TMPRSS9: variants seen among roughly 807,000 people sequenced by gnomAD.
TMPRSS9 encodes transmembrane protease serine 9.
In TMPRSS9, 113 loss-of-function variants were observed where a neutral mutation model predicts 111.4. That is an observed-to-expected ratio of 1.01 (90% CI 0.87 to 1.19). The LOEUF (loss-of-function observed/expected upper bound fraction) is 1.19, where lower values mean the gene tolerates loss of function less well. Ranked by LOEUF, TMPRSS9 falls within the 50% of genes most tolerant of loss-of-function variation. The pLI is 0.00. For synonymous variants in TMPRSS9, 805 were observed against 659.1 expected, an observed-to-expected ratio of 1.22 and a Z score of -3.39; for missense variants, 1,803 against 1,513.1, an observed-to-expected ratio of 1.19 and a Z score of -3.18.
chr19:2,405,239 A>C, intron 6 of TMPRSS9, 135 bp from the exon 8 acceptor site: 2 of 1,129,896 alleles, frequency 1.8e-6, no homozygotes, highest in Non-Finnish European at 2.4e-6. Context: ...AGAGTCAGGG[A>C]AGCCAAGGAG....
upstream of TMPRSS9, among the ~76,000 whole-genome samples, chr19:2,387,883 G>A (rs1380526295): frequency 1.3e-5 from 2 of 152,280 alleles, no homozygotes; most frequent in Middle Eastern, 3.4e-3. Flanking sequence ...CACCCTTAAC[G>A]GCTGTGACCA....
intron 15 of TMPRSS9, among the ~76,000 whole-genome samples, chr19:2,424,601 C>G (rs1044502813): frequency 1.9e-4 from 29 of 151,930 alleles, no homozygotes; most frequent in Non-Finnish European, 2.9e-4. Flanking sequence ...CCAGCCCTCG[C>G]CCCTGGGACT....
At chr19:2,401,529 A>G (rs2145324145) in intron 4 of TMPRSS9, among the ~76,000 whole-genome samples, 1 of 152,224 alleles carries the variant, frequency 6.6e-6, no homozygotes, top group African/African-American at 2.4e-5. Context: ...TGAAGGCAGA[A>G]TTTAAGTGAC....
intron 14 of TMPRSS9, among the ~76,000 whole-genome samples, chr19:2,423,555 G>A (rs1301756662): frequency 6.6e-6 from 1 of 152,102 alleles, no homozygotes; most frequent in Admixed American, 6.5e-5. Flanking sequence ...ACACGCCTCT[G>A]GAGACAGCAG....
chr19:2,386,275 G>A (rs1462938576), upstream of TMPRSS9, among the ~76,000 whole-genome samples: 1 of 152,154 alleles, frequency 6.6e-6, no homozygotes, highest in African/African-American at 2.4e-5. Flanking sequence ...GGAGGCTGAG[G>A]TGGGCAGATC....
chr19:2,416,870 G>T, intron 12 of TMPRSS9, 61 bp downstream of exon 13: 1 of 1,532,040 alleles, frequency 6.5e-7, no homozygotes, highest in Non-Finnish European at 8.8e-7. Context: ...GCCTGGGGAG[G>T]GTCAGGATGG....
At chr19:2,391,261 T>TAAAAAAAAAAAAA (rs1555677770) in intron 1 of TMPRSS9, among the ~76,000 whole-genome samples, 12 of 75,170 alleles carry the variant, frequency 1.6e-4, no homozygotes, top group South Asian at 3.7e-4. Context: ...AAAAAAAAAG[T>TAAAAAAAAAAAAA]TAATTTTAAC....
intron 1 of TMPRSS9, among the ~76,000 whole-genome samples, chr19:2,367,276 C>A (rs1425102237): frequency 6.6e-6 from 1 of 152,172 alleles, no homozygotes; most frequent in Non-Finnish European, 1.5e-5. Context: ...CCTAACTCTT[C>A]GGTGCCTCCA....
chr19:2,385,370 C>G (rs1224252807), upstream of TMPRSS9, among the ~76,000 whole-genome samples: 1 of 152,142 alleles, frequency 6.6e-6, no homozygotes, highest in East Asian at 1.9e-4. Flanking sequence ...GGCAGTTTCT[C>G]GCGGAAAATG....
intron 1 of TMPRSS9, among the ~76,000 whole-genome samples, chr19:2,379,679 C>G (rs199749594): frequency 2.0e-5 from 1 of 50,392 alleles, no homozygotes; most frequent in African/African-American, 7.8e-5. Context: ...CTTTCTTTCT[C>G]TTTTTCTTTC....
At chr19:2,387,218 G>C (rs1970496026), upstream of TMPRSS9, among the ~76,000 whole-genome samples, 1 of 152,016 alleles carries the variant, frequency 6.6e-6, no homozygotes, top group Non-Finnish European at 1.5e-5. Context: ...AGTGAGGCTG[G>C]GTGAGGTGGC....
chr19:2,415,342 G>A (rs1161576627), intron 10 of TMPRSS9, among the ~76,000 whole-genome samples: 1 of 152,102 alleles, frequency 6.6e-6, no homozygotes, highest in Non-Finnish European at 1.5e-5. Context: ...GTCTCCTGGA[G>A]TGCAGCCCCG....
intron 1 of TMPRSS9, among the ~76,000 whole-genome samples, chr19:2,381,831 C>CATTA (rs771519940): frequency 8.3e-6 from 1 of 120,746 alleles, no homozygotes; most frequent in Non-Finnish European, 1.7e-5. Flanking sequence ...TGTATTCATT[C>CATTA]ATTCATTCAT....
chr19:2,384,463 G>T (rs1243781215), intron 1 of TMPRSS9, among the ~76,000 whole-genome samples: 2 of 151,438 alleles, frequency 1.3e-5, no homozygotes, highest in Non-Finnish European at 2.9e-5. Flanking sequence ...ATCACCCGGG[G>T]TCAGGAATTC....
At chr19:2,370,295 CCTGTAGTCCCAGATACTCAGGAGG>C (rs1237672754) in intron 1 of TMPRSS9, among the ~76,000 whole-genome samples, 2 of 151,644 alleles carry the variant, frequency 1.3e-5, no homozygotes, top group Admixed American at 1.3e-4. Flanking sequence ...GTGGCGGGAG[CCTGTAGTCCCAGATACTCAGGAGG>C]CTGAGGCAGG....
exon 8 of TMPRSS9, chr19:2,408,582 A>T (rs568879396): frequency 6.2e-7 from 1 of 1,613,482 alleles, no homozygotes; most frequent in Admixed American, 1.7e-5. Flanking sequence ...CTTCCCACCC[A>T]GCAAGAAGTG....
chr19:2,407,360 A>G (rs559185521), intron 7 of TMPRSS9, among the ~76,000 whole-genome samples: 1 of 151,606 alleles, frequency 6.6e-6, no homozygotes, highest in Non-Finnish European at 1.5e-5. Context: ...TGTCTCTACT[A>G]AAAACACACA....
chr19:2,409,015 A>C (rs1009737158), intron 8 of TMPRSS9, among the ~76,000 whole-genome samples: 15 of 141,176 alleles, frequency 1.1e-4, no homozygotes, highest in African/African-American at 3.7e-4. Context: ...TAATAATAAT[A>C]ATAATAATAA....
intron 1 of TMPRSS9, among the ~76,000 whole-genome samples, chr19:2,392,454 C>T (rs10413548): frequency 0.54 from 82,373 of 151,590 alleles, 23,097 homozygotes; most frequent in Middle Eastern, 0.68. Context: ...CGCCAGTAAT[C>T]CCAGCTCTCT....
Sources: allele counts gnomAD v4.1 joint callset (sites outside exome capture counted in the v4.1 genomes callset), GRCh38; gene constraint gnomAD v4.1.1; transcripts MANE v1.5; gene names NCBI Gene and HGNC (gene_info 2026-07-23, HGNC 2026-07-21).